The following PDZD2 variants were observed in gnomAD, a reference collection of about 807,000 sequenced individuals.
PDZD2 encodes PDZ domain-containing protein 2.
In PDZD2, 90 loss-of-function variants were observed where a neutral mutation model predicts 220.7. That is an observed-to-expected ratio of 0.41 (90% CI 0.34 to 0.49). The LOEUF is 0.49. Ranked by LOEUF, PDZD2 falls within the 20% of genes least tolerant of loss-of-function variation. The probability of loss-of-function intolerance (pLI) is 0.28; values close to 1 mark genes in which losing one functional copy is unlikely to be tolerated. For synonymous variants in PDZD2, 1,375 were observed against 1,450.5 expected, an observed-to-expected ratio of 0.95 and a Z score of 1.18; for missense variants, 3,174 against 3,608.5, an observed-to-expected ratio of 0.88 and a Z score of 3.08.
At position 31,924,561 on chromosome 5, in the gene PDZD2, C is replaced by T. The variant is rs530685744; in HGVS notation, c.477-58594C>T. 3.3e-5 allele frequency among the ~76,000 whole-genome samples: 5 copies of T among 152,280 alleles called. No homozygotes were observed. The East Asian group carries it at 5.8e-4, about 18-fold the overall frequency. On this transcript the variant is annotated intron_variant, in intron 2 of 24. Coordinates refer to ENST00000438447, the MANE Select transcript of PDZD2 (RefSeq NM_178140.4). ...CCTTTATCCATCACTTCACGTTTGG[C>T]GTGTGTTGCCTCGTAGTGGTGGGAA...
chr5:31,737,039 T>C (rs1401659017), intron 1 of PDZD2, among the ~76,000 whole-genome samples: 1 of 152,074 alleles, frequency 6.6e-6, no homozygotes, highest in African/African-American at 2.4e-5. Flanking sequence ...ATTAAACCTC[T>C]TTTCTTTATA....
chr5:32,087,574 C>A lies in PDZD2; in HGVS notation c.4126C>A (p.Pro1376Thr), dbSNP rs1561547932. 1 of 1,614,036 alleles carries A rather than the reference C, an allele frequency of 6.2e-7. No individual in the cohort carries two copies. The highest frequency in any genetic ancestry group is 8.5e-7 in the Non-Finnish European group (1 of 1,179,934). Reference sequence around the variant, plus strand: ...CCATGCACCTGAAAGCTCCCAGGAGCCTTCCCTGCTGGAGGGAGCAGATTC... The same window carrying A: ...CCATGCACCTGAAAGCTCCCAGGAGACTTCCCTGCTGGAGGGAGCAGATTC... ...GIHAPESSQE[P>T]SLLEGADSVS... The change falls in exon 20 of 25, where the codon CCT becomes ACT. Residue 1376 changes from proline to threonine, a missense_variant. Pro to Thr is a conservative substitution (Grantham distance 38). Transcript: ENST00000438447. The surrounding 1 kb of genome is among the most constrained non-coding windows in gnomAD (Gnocchi z 4.0).
intron 2 of PDZD2, among the ~76,000 whole-genome samples, chr5:31,868,374 G>A (rs1738422004): frequency 1.3e-5 from 2 of 152,190 alleles, no homozygotes; most frequent in African/African-American, 2.4e-5. Flanking sequence ...GGGCCTGGGA[G>A]GTGGAGGTTG....
chr5:31,879,140 C>A (rs1205728816), intron 2 of PDZD2, among the ~76,000 whole-genome samples: 1 of 151,622 alleles, frequency 6.6e-6, no homozygotes, highest in Non-Finnish European at 1.5e-5. Flanking sequence ...GTAATCCCAG[C>A]ACTTTGGGAG....
At chr5:31,965,732 T>TA (rs1481037252) in intron 2 of PDZD2, among the ~76,000 whole-genome samples, 1 of 151,826 alleles carries the variant, frequency 6.6e-6, no homozygotes, top group East Asian at 1.9e-4. Context: ...CCATCTCTAC[T>TA]AAAAAATACA....
intron 1 of PDZD2, among the ~76,000 whole-genome samples, chr5:31,643,888 G>A (rs1385017488): frequency 2.0e-5 from 3 of 151,366 alleles, no homozygotes; most frequent in African/African-American, 7.3e-5. Flanking sequence ...GCATGACCAC[G>A]GCTCACAGCA....
At position 32,074,291 on chromosome 5, in the gene PDZD2, C is replaced by G. The variant is rs964079471; in HGVS notation, c.3185C>G (p.Ser1062Cys). 6.2e-7 allele frequency: 1 copy of G among 1,614,214 alleles called. No homozygotes were observed. Among genetic ancestry groups the G allele is most frequent in the South Asian group, 1.1e-5 (1 of 91,084 alleles). The change falls in exon 18 of 25, where the codon TCT becomes TGT. Residue 1062 changes from serine to cysteine, a missense_variant. Physicochemically the swap from Ser to Cys is moderately radical, Grantham distance 112. Transcript: ENST00000438447. ...AASYAANLTDSAEAPKGSPGS... is the reference protein window; with the variant it reads ...AASYAANLTDCAEAPKGSPGS... ...TCCTATGCAGCCAACCTCACGGACT[C>G]TGCAGAGGCCCCCAAGGGGAGCCCT...
chr5:32,085,976 C>T (rs1334597005), intron 19 of PDZD2, among the ~76,000 whole-genome samples: 4 of 151,964 alleles, frequency 2.6e-5, no homozygotes, highest in Non-Finnish European at 4.4e-5. Context: ...GTCTTCCTTA[C>T]CTTCCTCCTC....
At chr5:32,101,947 C>T (rs1250157848) in intron 24 of PDZD2, among the ~76,000 whole-genome samples, 1 of 152,114 alleles carries the variant, frequency 6.6e-6, no homozygotes, top group Admixed American at 6.5e-5. Flanking sequence ...TTTAAAGTTA[C>T]AGTATGTAAC....
intron 12 of PDZD2, among the ~76,000 whole-genome samples, chr5:32,058,933 TAA>T (rs1721558184): frequency 6.6e-6 from 1 of 152,306 alleles, no homozygotes; most frequent in African/African-American, 2.4e-5. Flanking sequence ...GTACCTAGAA[TAA>T]AAACGTTACT....
At position 32,058,057 on chromosome 5, in the gene PDZD2, C is replaced by A. The variant is rs145197496; in HGVS notation, c.2154C>A (p.Thr718=). 6.2e-7 allele frequency: 1 copy of A among 1,611,064 alleles called. No homozygotes were observed. The highest frequency in any genetic ancestry group is 1.3e-5 in the African/African-American group (1 of 74,814). The change falls in exon 12 of 25, where the codon ACC becomes ACA. Residue 718 remains threonine (T), a synonymous_variant. Coordinates refer to ENST00000438447, the MANE Select transcript of PDZD2 (RefSeq NM_178140.4). ...EGSSSSLGRK[T]PGPKDRIVME... ...GTTCTTCATCCCTGGGTCGGAAGAC[C>A]CCTGGGCCCAAGGACAGGATCGTCA...
Position 32,087,597 on chromosome 5 carries a change from T to C in PDZD2, c.4149T>C (p.Asp1383=), listed in dbSNP as rs761831031. Residue 1383 remains aspartate (D), a synonymous_variant, in exon 20 of 25, where the codon GAT becomes GAC. Transcript: ENST00000438447. This position sits in a 1 kb window ranked among gnomAD's most constrained non-coding sequence, Gnocchi z 4.0. ...SQEPSLLEGA[D]SVSSRAPQAS... The stretch of plus-strand genomic sequence containing the variant: ...AGCCTTCCCTGCTGGAGGGAGCAGA[T>C]TCTGTGTCCTCAAGGGCACCGCAGG... 3.7e-6 allele frequency: 6 copies of C among 1,614,082 alleles called. No individual in the cohort carries two copies. Among genetic ancestry groups the C allele is most frequent in the Non-Finnish European group, 5.1e-6 (6 of 1,179,982 alleles).
Position 32,088,887 on chromosome 5 carries a change from T to G in PDZD2, c.5439T>G (p.His1813Gln). The change falls in exon 20 of 25, where the codon CAT becomes CAG. Residue 1813 changes from histidine to glutamine, a missense_variant. Physicochemically the swap from His to Gln is conservative, Grantham distance 24. This residue lies in a region of PDZD2 where 1,861 missense variants were observed against 2,001.0 expected (regional missense o/e 0.93). Coordinates refer to ENST00000438447, the MANE Select transcript of PDZD2 (RefSeq NM_178140.4). The surrounding 1 kb of genome is among the most constrained non-coding windows in gnomAD (Gnocchi z 4.6). ...TAAATAAACATAACCAAGGCACACA[T>G]TTGAGGAGCAAAACCGAGAAGGAAC... ...KEINKHNQGT[H>Q]LRSKTEKEQP... 6.2e-7 allele frequency: 1 copy of G among 1,613,920 alleles called. No individual in the cohort carries two copies. Among genetic ancestry groups the G allele is most frequent in the South Asian group, 1.1e-5 (1 of 91,058 alleles).
intron 2 of PDZD2, chr5:31,844,034 A>C (rs1164156222): frequency 6.6e-6 from 1 of 152,196 alleles, no homozygotes; most frequent in African/African-American, 2.4e-5. Flanking sequence ...GAGTTGGAGA[A>C]CATGGAATAA....
chr5:31,960,575 ACTCTC>A (rs1030380454), intron 2 of PDZD2, among the ~76,000 whole-genome samples: 53 of 150,694 alleles, frequency 3.5e-4, no homozygotes, highest in African/African-American at 1.2e-3. Context: ...GTCCTAACCC[ACTCTC>A]CTCTCTCCTC....
rs1026232035 is a variant in PDZD2 at position 32,090,990 on chromosome 5, G to A, written c.7542G>A (p.Leu2514=). 6.2e-7 allele frequency: 1 copy of A among 1,613,838 alleles called. No homozygotes were observed. Among genetic ancestry groups the A allele is most frequent in the African/African-American group, 1.3e-5 (1 of 74,914 alleles). ...GPSAVLFKTE[L]EITPRRSPGP... ...GCGCCGTGCTCTTCAAAACTGAGCT[G>A]GAGATCACCCCCAGGAGGTCACCTG... The change falls in exon 20 of 25, where the codon CTG becomes CTA. Residue 2514 remains leucine (L), a synonymous_variant. Coordinates refer to ENST00000438447, the MANE Select transcript of PDZD2 (RefSeq NM_178140.4). This position sits in a 1 kb window ranked among gnomAD's most constrained non-coding sequence, Gnocchi z 4.3.
chr5:31,754,871 G>A (rs1751216604), intron 1 of PDZD2, among the ~76,000 whole-genome samples: 1 of 152,152 alleles, frequency 6.6e-6, no homozygotes, highest in East Asian at 1.9e-4. Context: ...GAAATGACAT[G>A]AAACTCCTCC....
intron 2 of PDZD2, among the ~76,000 whole-genome samples, chr5:31,833,601 A>G (rs13163028): frequency 0.76 from 112,959 of 147,862 alleles, 43,331 homozygotes; most frequent in Non-Finnish European, 0.8. Context: ...GCGCCATTGC[A>G]CTCCAGCCTG....
chr5:31,834,408 G>C (rs891942110), intron 2 of PDZD2, among the ~76,000 whole-genome samples: 1 of 152,178 alleles, frequency 6.6e-6, no homozygotes, highest in Non-Finnish European at 1.5e-5. Flanking sequence ...ATGACAACTA[G>C]ACATCAGCTT....
Sources: allele counts gnomAD v4.1 joint callset (sites outside exome capture counted in the v4.1 genomes callset), GRCh38; gene constraint gnomAD v4.1.1; regional missense constraint gnomAD v4.1.1; non-coding constraint Gnocchi (gnomAD v3.1); transcripts MANE v1.5; gene names NCBI Gene and HGNC (gene_info 2026-07-23, HGNC 2026-07-21).